SI: variants seen among roughly 807,000 people sequenced by gnomAD.
SI encodes the protein sucrase-isomaltase, intestinal.
Under a neutral mutation model 253.3 loss-of-function variants are expected in SI, and 235 were observed. The ratio of observed to expected loss-of-function variants is 0.93; its 90% CI spans 0.83 to 1.03. The LOEUF is 1.03. Ranked by LOEUF, SI falls within the 50% of genes least tolerant of loss-of-function variation. The pLI, the probability that SI is intolerant of heterozygous loss-of-function variation, is 0.00. For synonymous variants in SI, 819 were observed against 712.0 expected, an observed-to-expected ratio of 1.15 and a Z score of -2.39; for missense variants, 2,442 against 2,211.1, an observed-to-expected ratio of 1.10 and a Z score of -2.09.
chr3:165,067,547 C>A, intron 5 of SI, 56 bp from the exon 6 acceptor site: 3 of 1,435,584 alleles, frequency 2.1e-6, no homozygotes, highest in Admixed American at 1.7e-5. Flanking sequence ...ATTTAATATT[C>A]CAGTTCTGAA....
At chr3:165,059,116 TA>T (rs1366377389) in intron 11 of SI, 34 bp from the exon 12 acceptor site, 2 of 1,560,056 alleles carry the variant, frequency 1.3e-6, no homozygotes, top group Non-Finnish European at 1.7e-6. Flanking sequence ...CAAAATCTAT[TA>T]ACTTACACGT....
At chr3:165,044,247 C>G (rs1713000937) in intron 16 of SI, among the ~76,000 whole-genome samples, 1 of 152,004 alleles carries the variant, frequency 6.6e-6, no homozygotes, top group African/African-American at 2.4e-5. Context: ...AGGGGTTACT[C>G]ACCCTGTATA....
chr3:165,017,853 G>A lies in SI; in HGVS notation c.3541C>T (p.Pro1181Ser), dbSNP rs751839993. 1.7e-5 allele frequency: 27 copies of A among 1,612,666 alleles called. No homozygotes were observed. The highest frequency in any genetic ancestry group is 2.3e-5 in the Non-Finnish European group (27 of 1,179,162). ...NAMDVTFQPT[P>S]ALTYRTVGGI... ...CCAACTGTACGGTAAGTTAGAGCAG[G>A]AGTTGGCTGGAATGTAACATCTGGA... Residue 1181 changes from proline to serine, a missense_variant, in exon 30 of 48, where the codon CCT becomes TCT. By Grantham distance (74) the Pro-to-Ser change is moderately conservative. Coordinates refer to ENST00000264382, the MANE Select transcript of SI (RefSeq NM_001041.4).
At chr3:165,027,236 A>T (rs1183455005) in intron 25 of SI, among the ~76,000 whole-genome samples, 2 of 151,366 alleles carry the variant, frequency 1.3e-5, no homozygotes, top group South Asian at 4.1e-4. Flanking sequence ...AAATTCCTGG[A>T]ATGACACAAC....
chr3:165,035,290 A>C (rs1712474676), intron 22 of SI, among the ~76,000 whole-genome samples: 1 of 152,036 alleles, frequency 6.6e-6, no homozygotes, highest in Non-Finnish European at 1.5e-5. Flanking sequence ...TAATAATTAA[A>C]AGACAGAGAA....
chr3:165,058,918 G>T (rs1340570137), intron 12 of SI, 45 bp downstream of exon 12: 1 of 1,528,386 alleles, frequency 6.5e-7, no homozygotes, highest in East Asian at 2.3e-5. Context: ...TTATTTCAGA[G>T]AAGAAAATTT....
chr3:165,049,973 A>G, intron 13 of SI, 98 bp from the exon 14 acceptor site: 1 of 771,652 alleles, frequency 1.3e-6, no homozygotes. Flanking sequence ...ATATAAGATA[A>G]CCATAATGCT....
intron 38 of SI, among the ~76,000 whole-genome samples, chr3:164,997,761 G>C (rs754593724): frequency 2.0e-5 from 3 of 151,624 alleles, no homozygotes; most frequent in Non-Finnish European, 4.4e-5. Context: ...CTGTTCCTCT[G>C]TTAGTTTGCT....
At chr3:165,027,403 G>T (rs1711986088) in intron 25 of SI, among the ~76,000 whole-genome samples, 1 of 151,074 alleles carries the variant, frequency 6.6e-6, no homozygotes, top group Non-Finnish European at 1.5e-5. Context: ...CCAATCTATT[G>T]ACGTTATTCC....
At position 165,032,565 on chromosome 3, in the gene SI, G is replaced by T; in HGVS notation, c.2693C>A (p.Pro898Gln). 1 of 1,608,908 alleles carries T rather than the reference G, an allele frequency of 6.2e-7. No individual in the cohort carries two copies. Among genetic ancestry groups the T allele is most frequent in the Non-Finnish European group, 8.5e-7 (1 of 1,176,704 alleles). ...AGTGAAATTGGAATGAGCGTTCATT[G>T]GTTGATTATTTTCCGCCACTCTAAC... Reference protein sequence around the residue: ...TEVRVAENNQPMNAHSNFTYD... With the variant: ...TEVRVAENNQQMNAHSNFTYD... Residue 898 changes from proline (P) to glutamine (Q), a missense_variant, in exon 24 of 48, where the codon CCA (proline) becomes CAA (glutamine). Physicochemically the swap from Pro to Gln is moderately conservative, Grantham distance 76. Transcript: ENST00000264382.
chr3:165,068,476 C>T (rs9758471), intron 5 of SI, among the ~76,000 whole-genome samples: 88,717 of 151,914 alleles, frequency 0.58, 26,276 homozygotes, highest in East Asian at 0.81. Flanking sequence ...CGGGTTCTCG[C>T]CATTCTCCTG....
chr3:165,090,047 G>T, the SI span, among the ~76,000 whole-genome samples: 1 of 151,888 alleles, frequency 6.6e-6, no homozygotes, highest in South Asian at 2.1e-4. Flanking sequence ...TCCCCAAAAT[G>T]TACATGTGGA....
At chr3:164,994,827 G>A (rs1218015325) in intron 40 of SI, among the ~76,000 whole-genome samples, 2 of 151,580 alleles carry the variant, frequency 1.3e-5, no homozygotes, top group Admixed American at 6.6e-5. Flanking sequence ...GGGTTCTCAG[G>A]AGAAATGAAC....
chr3:165,078,948 ATCTTG>A (rs1197686771), upstream of SI, among the ~76,000 whole-genome samples: 3 of 151,536 alleles, frequency 2.0e-5, no homozygotes, highest in African/African-American at 7.2e-5. Context: ...TATTCCCTGT[ATCTTG>A]TCTTTGATCT....
chr3:165,016,683 G>T (rs116038954), intron 31 of SI, among the ~76,000 whole-genome samples: 20 of 151,952 alleles, frequency 1.3e-4, no homozygotes, highest in Non-Finnish European at 1.9e-4. Context: ...TATTTGAATT[G>T]TATCATGGAA....
At chr3:164,988,748 T>C (rs936452129) in intron 44 of SI, among the ~76,000 whole-genome samples, 3 of 152,138 alleles carry the variant, frequency 2.0e-5, no homozygotes, top group Non-Finnish European at 4.4e-5. Context: ...CAAGGAATTT[T>C]GCAATGGAAA....
chr3:164,998,851 A>G (rs1718138056), intron 37 of SI, among the ~76,000 whole-genome samples, 178 bp from the exon 38 acceptor site: 2 of 151,836 alleles, frequency 1.3e-5, no homozygotes. Flanking sequence ...CTCAAAACAT[A>G]AAGGACGTCT....
intron 35 of SI, among the ~76,000 whole-genome samples, chr3:165,008,284 T>A (rs1022055984): frequency 6.6e-6 from 1 of 151,932 alleles, no homozygotes; most frequent in Non-Finnish European, 1.5e-5. Flanking sequence ...AGCATTATAA[T>A]AATATGTGCC....
Position 165,030,787 on chromosome 3 carries a change from T to A in SI, c.2817A>T (p.Glu939Asp). The change falls in exon 25 of 48, where the codon GAA (glutamate) becomes GAT (aspartate). Residue 939 changes from glutamate (E) to aspartate (D), a missense_variant. Transcript: ENST00000264382. ...VQWNQIFSEN[E>D]RFNCYPDADL... ...CTGCATCTGGATAACAATTAAATCT[T>A]TCATTTTCTGAGAAAATTTGATTCC... is the stretch of plus-strand genomic sequence containing the variant. 2 of 1,608,368 alleles carry A rather than the reference T, an allele frequency of 1.2e-6. No individual in the cohort carries two copies. The highest frequency in any genetic ancestry group is 1.7e-6 in the Non-Finnish European group (2 of 1,176,724).
Sources: gnomAD v4.1 joint callset for allele counts (sites outside exome capture counted in the v4.1 genomes callset) on GRCh38, gnomAD v4.1.1 for gene constraint, MANE v1.5 for transcripts, NCBI Gene and HGNC (gene_info 2026-07-23, HGNC 2026-07-21) for gene names.